The following ERFL variants were observed in gnomAD, a reference collection of about 807,000 sequenced individuals.
ERFL encodes the protein ETS repressor factor like, also known as ETS domain-containing transcription factor ERF-like.
In ERFL, 8 loss-of-function variants were observed where a neutral mutation model predicts 27.9. The ratio of observed to expected loss-of-function variants is 0.29; its 90% CI spans 0.17 to 0.52. The LOEUF (loss-of-function observed/expected upper bound fraction) is 0.52, where lower values mean the gene tolerates loss of function less well. Among genes scored for constraint, ERFL ranks in the 20% least tolerant of loss-of-function variants. The probability of loss-of-function intolerance (pLI) is 0.97; values close to 1 mark genes in which losing one functional copy is unlikely to be tolerated. For synonymous variants in ERFL, 174 were observed against 202.8 expected (o/e 0.86, Z 1.21); for missense variants, 294 against 444.4 (o/e 0.66, Z 3.04).
chr19:41,908,295 C>G lies in ERFL; in HGVS notation c.998G>C (p.Ser333Thr). Reference sequence around the variant, plus strand: ...TGCCGGGAGACCCTCATCGCCCTCGCTGTCAGAGCTGCAGCCGCTGACGTC... The same window carrying G: ...TGCCGGGAGACCCTCATCGCCCTCGGTGTCAGAGCTGCAGCCGCTGACGTC... Reference protein sequence around the residue: ...ITDVSGCSSDSEGDEGLPAPP... With the variant: ...ITDVSGCSSDTEGDEGLPAPP... The change falls in exon 6 of 6, where the codon AGC (serine) becomes ACC (threonine). Residue 333 changes from serine to threonine, a missense_variant. Around this residue, in one of 3 missense-constraint regions of ERFL, gnomAD observed 246 missense variants for 371.4 expected, o/e 0.66. Transcript: ENST00000597630. The surrounding 1 kb of genome is among the most constrained non-coding windows in gnomAD (Gnocchi z 6.7). 2 of 1,231,572 alleles carry G rather than the reference C, an allele frequency of 1.6e-6. No individual in the cohort carries two copies. Among genetic ancestry groups the G allele is most frequent in the Admixed American group, 4.2e-5 (1 of 23,726 alleles). The allele number at this position is 1,231,572 out of a possible 1,614,324, so 76.3% of individuals were successfully genotyped here.
intron 1 of ERFL, among the ~76,000 whole-genome samples, chr19:41,914,532 T>G: frequency 6.7e-6 from 1 of 149,080 alleles, no homozygotes; most frequent in Admixed American, 6.7e-5. Flanking sequence ...TCTCCCCATC[T>G]CTGCTATCCG....
chr19:41,925,263 G>A (rs2074864759), intron 1 of ERFL, among the ~76,000 whole-genome samples: 1 of 152,100 alleles, frequency 6.6e-6, no homozygotes, highest in Non-Finnish European at 1.5e-5. Context: ...CAGGTGCAGG[G>A]GGTTACTGGT....
chr19:41,927,342 A>T (rs1478192166), intron 1 of ERFL, among the ~76,000 whole-genome samples: 1 of 152,042 alleles, frequency 6.6e-6, no homozygotes, highest in Non-Finnish European at 1.5e-5. Context: ...GAATTGGCCC[A>T]AATGTCCTTC....
Position 41,913,292 on chromosome 19 carries a change from C to T in ERFL, c.-13-360G>A, listed in dbSNP as rs1294679693. ...GCCCGCCCGCCCGCCGCTCGCGCCC[C>T]GCACCGTCTCTGCTGCCGTCTCCCG... On this transcript the variant is annotated intron_variant, in intron 1 of 5. Coordinates refer to ENST00000597630, the MANE Select transcript of ERFL (RefSeq NM_001365103.2). 3.9e-3 allele frequency among the ~76,000 whole-genome samples: 583 copies of T among 151,294 alleles called. 4 individuals carry two copies. The highest frequency in any genetic ancestry group is 0.014 in the African/African-American group (570 of 41,162).
Position 41,908,423 on chromosome 19 carries a change from G to T in ERFL, c.870C>A (p.Pro290=). The T allele has an allele frequency of 8.1e-7, 1 of 1,231,222 alleles. No homozygotes were observed. Among genetic ancestry groups the T allele is most frequent in the Non-Finnish European group, 1.0e-6 (1 of 987,620 alleles). 76.3% of individuals were successfully genotyped at this position (1,231,222 alleles called of 1,614,324 possible). A position where few individuals can be genotyped will look rare whatever the true frequency, so the allele number is the denominator to read the frequency against. ...STGEGLGPER[P]SGLAAAPRLA... is the part of the protein sequence containing the mutation. ...GGCGAGGGGCCGCTGCCAGGCCCGA[G>T]GGGCGCTCGGGGCCCAGGCCCTCCC... Residue 290 remains proline (P), a synonymous_variant, in exon 6 of 6, where the codon CCC becomes CCA. Coordinates refer to ENST00000597630, the MANE Select transcript of ERFL (RefSeq NM_001365103.2). The surrounding 1 kb of genome is among the most constrained non-coding windows in gnomAD (Gnocchi z 6.7).
rs183605199 is a variant in ERFL, at chr19:41,909,114, T to G, written c.562A>C (p.Thr188Pro). The G allele has an allele frequency of 5.7e-6, 7 of 1,231,774 alleles. No homozygotes were observed. In the Admixed American group the frequency reaches 1.7e-4, roughly 30 times the overall value. The allele number at this position is 1,231,774 out of a possible 1,614,324, so 76.3% of individuals were successfully genotyped here. A position where few individuals can be genotyped will look rare whatever the true frequency, so the allele number is the denominator to read the frequency against. Residue 188 changes from threonine (T) to proline (P), a missense_variant, in exon 5 of 6, where the codon ACC becomes CCC. Physicochemically the swap from Thr to Pro is conservative, Grantham distance 38. Transcript: ENST00000597630. The surrounding 1 kb of genome is among the most constrained non-coding windows in gnomAD (Gnocchi z 5.2). ...GEPGARTPLF[T>P]SETDKLRLDS... The stretch of plus-strand genomic sequence containing the variant: ...AGACGCAATTTATCTGTCTCGGAGG[T>G]GAACAGGGGTGTCCGGGCCCCTGGC...
intron 1 of ERFL, among the ~76,000 whole-genome samples, chr19:41,920,556 G>GAC (rs1555852392): frequency 4.0e-5 from 6 of 151,776 alleles, no homozygotes; most frequent in African/African-American, 1.2e-4. Flanking sequence ...GACACGCCCA[G>GAC]ATGTTACGCA....
intron 1 of ERFL, among the ~76,000 whole-genome samples, chr19:41,922,493 G>C (rs1249129445): frequency 3.9e-5 from 6 of 152,166 alleles, no homozygotes; most frequent in Non-Finnish European, 8.8e-5. Flanking sequence ...GCCAAAAATG[G>C]GGAGAAGTGG....
In ERFL at chr19:41,910,830, C is replaced by T. The variant is rs2074747584; in HGVS notation, c.68-733G>A. Among the ~76,000 whole-genome samples the T allele has an allele frequency of 6.6e-6, 1 of 152,170 alleles. No homozygotes were observed. Among genetic ancestry groups the T allele is most frequent in the Non-Finnish European group, 1.5e-5 (1 of 68,028 alleles). On this transcript the variant is annotated intron_variant, in intron 2 of 5. Transcript: ENST00000597630. The surrounding 1 kb of genome is among the most constrained non-coding windows in gnomAD (Gnocchi z 4.4). ...GGGACACAGGCACACCGGAGTGCCA[C>T]ACTCATGCTGGGGGCCACCAAGGCT...
Position 41,910,385 on chromosome 19 carries a change from C to T in ERFL, c.68-288G>A, listed in dbSNP as rs1239486397. Among the ~76,000 whole-genome samples, 2 of 152,126 alleles carry T rather than the reference C, an allele frequency of 1.3e-5. No homozygotes were observed. Among genetic ancestry groups the T allele is most frequent in the Non-Finnish European group, 2.9e-5 (2 of 67,996 alleles). ...CATCCAGAGGTGGAGTTGGGAGGGA[C>T]TGGCTTCCTGCACCCATGACAGTGA... On this transcript the variant is annotated intron_variant, in intron 2 of 5. Transcript: ENST00000597630. The surrounding 1 kb of genome is among the most constrained non-coding windows in gnomAD (Gnocchi z 4.4).
chr19:41,909,356 C>G lies in ERFL; in HGVS notation c.418G>C (p.Ala140Pro), dbSNP rs1420838082. 4.9e-6 allele frequency: 6 copies of G among 1,235,666 alleles called. No homozygotes were observed. The African/African-American group carries it at 7.8e-5, about 16-fold the overall frequency. 76.5% of individuals were successfully genotyped at this position (1,235,666 alleles called of 1,614,324 possible). ...GTCAGCAAGAGTGGGGAGCCAGTGG[C>G]AGCTGCCGCCATGTCCAGCAGCGGG... ...NYPLLDMAAA[A>P]TGSPLLLTPS... The change falls in exon 4 of 6, where the codon GCC (alanine) becomes CCC (proline). Residue 140 changes from alanine to proline, a missense_variant. Ala to Pro is a conservative substitution (Grantham distance 27, BLOSUM62 -1). Around this residue, in one of 3 missense-constraint regions of ERFL, gnomAD observed 246 missense variants for 371.4 expected, o/e 0.66. Coordinates refer to ENST00000597630, the MANE Select transcript of ERFL (RefSeq NM_001365103.2). This position sits in a 1 kb window ranked among gnomAD's most constrained non-coding sequence, Gnocchi z 5.2.
chr19:41,925,440 A>G (rs2074866041), intron 1 of ERFL, among the ~76,000 whole-genome samples: 1 of 152,068 alleles, frequency 6.6e-6, no homozygotes, highest in Non-Finnish European at 1.5e-5. Context: ...GTGTGTGTGT[A>G]AAGTAATGTT....
At position 41,909,770 on chromosome 19, in the gene ERFL, C is replaced by T. The variant is rs1248537344; in HGVS notation, c.302+93G>A. The stretch of plus-strand genomic sequence containing the variant: ...GCACAGCCCTGTGCCTTGTGGGATC[C>T]AGCAGGAACCTGCCCCAGGATGCAG... On this transcript the variant is annotated intron_variant, in intron 3 of 5. Transcript: ENST00000597630. The surrounding 1 kb of genome is among the most constrained non-coding windows in gnomAD (Gnocchi z 5.2). The T allele has an allele frequency of 7.2e-7, 1 of 1,380,354 alleles. No individual in the cohort carries two copies. The highest frequency in any genetic ancestry group is 9.7e-7 in the Non-Finnish European group (1 of 1,026,476). 85.5% of individuals were successfully genotyped at this position (1,380,354 alleles called of 1,614,324 possible). A position where few individuals can be genotyped will look rare whatever the true frequency, so the allele number is the denominator to read the frequency against.
At chr19:41,915,443 C>G (rs532842683) in intron 1 of ERFL, among the ~76,000 whole-genome samples, 5 of 151,978 alleles carry the variant, frequency 3.3e-5, no homozygotes, top group South Asian at 4.2e-4. Context: ...CCATGCCTCC[C>G]TGTCTCTTGG....
rs150209399 is a variant in ERFL at position 41,914,928 on chromosome 19, C to T, written c.-13-1996G>A. 1.7e-3 allele frequency among the ~76,000 whole-genome samples: 193 copies of T among 114,538 alleles called. 1 individual carries two copies. The highest frequency in any genetic ancestry group is 2.5e-3 in the Admixed American group (28 of 11,186). The allele number at this position is 114,538 out of a possible 152,430, so 75.1% of individuals were successfully genotyped here. A position where few individuals can be genotyped will look rare whatever the true frequency, so the allele number is the denominator to read the frequency against. On this transcript the variant is annotated intron_variant, in intron 1 of 5. Transcript: ENST00000597630. Reference sequence around the variant, plus strand: ...TCTCTCCCTCCCCCTCCACCATCTCCGTCTCTGTCTCTCCCTCCTCTTCCA... The same window carrying T: ...TCTCTCCCTCCCCCTCCACCATCTCTGTCTCTGTCTCTCCCTCCTCTTCCA...
chr19:41,912,277 C>T (rs1386686428), intron 2 of ERFL, among the ~76,000 whole-genome samples: 1 of 152,156 alleles, frequency 6.6e-6, no homozygotes, highest in Non-Finnish European at 1.5e-5. Flanking sequence ...GAAATGAGAC[C>T]CCAAATAACC....
chr19:41,912,989 G>A, intron 1 of ERFL, 57 bp from the exon 2 acceptor site: 1 of 814,548 alleles, frequency 1.2e-6, no homozygotes, highest in Non-Finnish European at 1.6e-6. Context: ...ACAGACACAG[G>A]TCAGCCAGCG....
chr19:41,911,021 CTG>C (rs1555851201), intron 2 of ERFL, among the ~76,000 whole-genome samples: 1 of 152,188 alleles, frequency 6.6e-6, no homozygotes, highest in Non-Finnish European at 1.5e-5. Context: ...AAAGAACACA[CTG>C]TACGATGGAG....
At chr19:41,923,207 A>G in intron 1 of ERFL, 1 of 456,368 alleles carries the variant, frequency 2.2e-6, no homozygotes, top group Middle Eastern at 3.3e-4. Context: ...TCCCACAGGG[A>G]TGAGGTGAGC....
Sources: allele counts gnomAD v4.1 joint callset (sites outside exome capture counted in the v4.1 genomes callset), GRCh38; gene constraint gnomAD v4.1.1; regional missense constraint gnomAD v4.1.1; non-coding constraint Gnocchi (gnomAD v3.1); transcripts MANE v1.5; gene names NCBI Gene and HGNC (gene_info 2026-07-23, HGNC 2026-07-21).